The following KLRG1 variants were observed in gnomAD, a reference collection of about 807,000 sequenced individuals.
KLRG1 encodes the protein killer cell lectin like receptor G1.
KLRG1 carries 16 observed loss-of-function variants against 21.8 expected under a neutral mutation model. That is an observed-to-expected ratio of 0.73 (90% confidence interval 0.50 to 1.11). KLRG1 has a LOEUF of 1.11. Ranked by LOEUF, KLRG1 falls within the 50% of genes most tolerant of loss-of-function variation. The pLI is 0.00. For missense variants in KLRG1, 173 were observed against 218.3 expected, an observed-to-expected ratio of 0.79 and a Z score of 1.31; for synonymous variants, 69 against 75.9, an observed-to-expected ratio of 0.91 and a Z score of 0.47.
the KLRG1 span, among the ~76,000 whole-genome samples, chr12:9,059,935 C>T: frequency 6.6e-6 from 1 of 151,732 alleles, no homozygotes. Context: ...CCGCCTTGGC[C>T]TCCCAAACCA....
chr12:9,011,720 G>A (rs1947634548), downstream of KLRG1, among the ~76,000 whole-genome samples: 1 of 152,180 alleles, frequency 6.6e-6, no homozygotes, highest in South Asian at 2.1e-4. Context: ...AGGCACTGAC[G>A]AGGACAGGAG....
At chr12:9,208,811 T>C in the KLRG1 span, among the ~76,000 whole-genome samples, 1 of 152,132 alleles carries the variant, frequency 6.6e-6, no homozygotes, top group Non-Finnish European at 1.5e-5. Context: ...TTTTTAGCAG[T>C]TGATTGAGTA....
chr12:9,213,398 C>T, the KLRG1 span, among the ~76,000 whole-genome samples: 18 of 152,104 alleles, frequency 1.2e-4, no homozygotes, highest in Non-Finnish European at 2.4e-4. Flanking sequence ...GCAGAACTGC[C>T]AGACTATTTT....
At chr12:9,007,865 CA>C (rs879343910) in intron 3 of KLRG1, among the ~76,000 whole-genome samples, 3 of 151,964 alleles carry the variant, frequency 2.0e-5, no homozygotes, top group African/African-American at 4.8e-5. Context: ...TTAATTACAC[CA>C]ACACTAAATC....
the KLRG1 span, chr12:9,149,092 C>T: frequency 9.0e-7 from 1 of 1,107,796 alleles, no homozygotes; most frequent in Non-Finnish European, 1.4e-6. Context: ...GGTCAGGAAA[C>T]TTTGTGAAAG....
chr12:9,201,321 A>G, the KLRG1 span: 2 of 1,544,782 alleles, frequency 1.3e-6, no homozygotes, highest in South Asian at 1.1e-5. Flanking sequence ...TTTTTCTGAT[A>G]CTTACCTCAA....
chr12:9,094,621 T>C, the KLRG1 span, among the ~76,000 whole-genome samples: 33 of 152,170 alleles, frequency 2.2e-4, no homozygotes, highest in Non-Finnish European at 4.4e-4. Flanking sequence ...AAGTAGCTCA[T>C]GTCATTGATG....
chr12:9,168,866 T>C, the KLRG1 span: 1 of 1,605,494 alleles, frequency 6.2e-7, no homozygotes, highest in Non-Finnish European at 8.5e-7. Flanking sequence ...ATTGCTGTTT[T>C]ACCTCCATAG....
the KLRG1 span, chr12:9,029,218 T>A: frequency 5.7e-6 from 1 of 174,180 alleles, no homozygotes; most frequent in Non-Finnish European, 1.2e-5. Flanking sequence ...AATTTTTTAT[T>A]TATTTATTTA....
the KLRG1 span, chr12:9,159,833 G>C: frequency 3.1e-5 from 31 of 993,502 alleles, no homozygotes; most frequent in Non-Finnish European, 4.4e-5. Context: ...AAATTACCTA[G>C]TTTCAGGTAT....
At chr12:9,151,717 TGA>T in the KLRG1 span, 1 of 1,486,484 alleles carries the variant, frequency 6.7e-7, no homozygotes, top group South Asian at 1.1e-5. Flanking sequence ...AGAACAGATG[TGA>T]GAATGGTGTG....
chr12:9,208,988 T>C, the KLRG1 span, among the ~76,000 whole-genome samples: 1 of 152,262 alleles, frequency 6.6e-6, no homozygotes, highest in South Asian at 2.1e-4. Flanking sequence ...ATCCTATCTG[T>C]CCTTGTTACT....
the KLRG1 span, among the ~76,000 whole-genome samples, chr12:9,159,317 A>G: frequency 6.6e-6 from 1 of 152,166 alleles, no homozygotes; most frequent in Admixed American, 6.5e-5. Flanking sequence ...CTCCTGACAC[A>G]TTTATTTATC....
the KLRG1 span, chr12:9,157,746 T>C: frequency 1.9e-6 from 3 of 1,600,520 alleles, no homozygotes; most frequent in Non-Finnish European, 2.6e-6. Flanking sequence ...TGGTAGGGAA[T>C]GGGATTGAGC....
chr12:9,094,980 AC>A, the KLRG1 span: 1 of 1,535,036 alleles, frequency 6.5e-7, no homozygotes, highest in Non-Finnish European at 8.8e-7. Context: ...TACCATAAAA[AC>A]CTACACGTAG....
the KLRG1 span, chr12:9,157,286 C>A: frequency 2.0e-5 from 33 of 1,613,902 alleles, no homozygotes; most frequent in Non-Finnish European, 2.5e-5. Context: ...ACATGGCTCC[C>A]ATGGGTCCCC....
At chr12:9,039,421 C>T in the KLRG1 span, among the ~76,000 whole-genome samples, 1 of 152,170 alleles carries the variant, frequency 6.6e-6, no homozygotes, top group Non-Finnish European at 1.5e-5. Flanking sequence ...ATTGACAAAA[C>T]GATCTTATTT....
At chr12:9,136,521 GTGTGTGCATATA>G in the KLRG1 span, among the ~76,000 whole-genome samples, 3 of 152,066 alleles carry the variant, frequency 2.0e-5, no homozygotes, top group Non-Finnish European at 4.4e-5. Flanking sequence ...TTGTGCATGT[GTGTGTGCATATA>G]TGTGTGCATA....
At chr12:9,068,726 T>C in the KLRG1 span, 5 of 1,565,686 alleles carry the variant, frequency 3.2e-6, no homozygotes, top group Non-Finnish European at 4.4e-6. Context: ...TACGTGAAAA[T>C]CACTCTCACT....
Sources: gnomAD v4.1 joint callset for allele counts (sites outside exome capture counted in the v4.1 genomes callset) on GRCh38, gnomAD v4.1.1 for gene constraint, MANE v1.5 for transcripts, NCBI Gene and HGNC (gene_info 2026-07-23, HGNC 2026-07-21) for gene names.